The following MAPKAPK2 variants were observed in gnomAD, a reference collection of about 807,000 sequenced individuals.
MAPKAPK2 encodes MAP kinase-activated protein kinase 2.
In MAPKAPK2, 9 loss-of-function variants were observed where a neutral mutation model predicts 48.8. The ratio of observed to expected loss-of-function variants is 0.18; its 90% CI spans 0.11 to 0.32. The LOEUF is 0.32. MAPKAPK2 is among the 10% of genes least tolerant of loss of function. The pLI is 1.00. For missense variants in MAPKAPK2, 331 were observed against 498.3 expected (o/e 0.66, Z 3.20); for synonymous variants, 202 against 190.6 (o/e 1.06, Z -0.49).
At chr1:206,712,260 T>C (rs1278444594) in intron 1 of MAPKAPK2, among the ~76,000 whole-genome samples, 1 of 152,220 alleles carries the variant, frequency 6.6e-6, no homozygotes, top group Admixed American at 6.5e-5. Flanking sequence ...TATATTGTTA[T>C]TATTCACTAA....
chr1:206,691,482 G>GATATATATATATACATATATATATAT (rs1672451514), intron 1 of MAPKAPK2, among the ~76,000 whole-genome samples: 1 of 77,294 alleles, frequency 1.3e-5, no homozygotes, highest in Non-Finnish European at 2.8e-5. Flanking sequence ...TGTATTTTAA[G>GATATATATATATACATATATATATAT]ATATATATAT....
intron 1 of MAPKAPK2, among the ~76,000 whole-genome samples, chr1:206,709,963 T>C (rs1250899596): frequency 6.6e-6 from 1 of 152,194 alleles, no homozygotes; most frequent in Admixed American, 6.5e-5. Context: ...GGTTGAGAAC[T>C]ATTCCCAAGG....
rs1673949513 is a variant in MAPKAPK2 at position 206,732,446 on chromosome 1, T to C, written c.1060-129T>C. ...GGACCACTAACCAGCCCGTCTTCTC[T>C]CTCTGCTCCCACCCCTGCCGCCCTC... is the stretch of plus-strand genomic sequence containing the variant. On this transcript the variant is annotated intron_variant, in intron 9 of 9. Transcript: ENST00000367103. The surrounding 1 kb of genome is among the most constrained non-coding windows in gnomAD (Gnocchi z 4.4). 3.3e-6 allele frequency: 5 copies of C among 1,494,156 alleles called. No individual in the cohort carries two copies. Among genetic ancestry groups the C allele is most frequent in the Non-Finnish European group, 4.5e-6 (5 of 1,119,850 alleles). The allele number at this position is 1,494,156 out of a possible 1,614,324, so 92.6% of individuals were successfully genotyped here. A position where few individuals can be genotyped will look rare whatever the true frequency, so the allele number is the denominator to read the frequency against.
At chr1:206,722,034 C>T (rs1206893317) in intron 1 of MAPKAPK2, among the ~76,000 whole-genome samples, 1 of 150,744 alleles carries the variant, frequency 6.6e-6, no homozygotes, top group Non-Finnish European at 1.5e-5. Context: ...CATTGCACTC[C>T]AGCCTGGGTA....
At chr1:206,705,214 C>G (rs1672917490) in intron 1 of MAPKAPK2, among the ~76,000 whole-genome samples, 3 of 151,924 alleles carry the variant, frequency 2.0e-5, no homozygotes, top group African/African-American at 7.3e-5. Flanking sequence ...TGTATGTTTG[C>G]ATGTGTATGT....
chr1:206,689,163 T>C (rs1326725942), intron 1 of MAPKAPK2, among the ~76,000 whole-genome samples: 1 of 152,236 alleles, frequency 6.6e-6, no homozygotes, highest in African/African-American at 2.4e-5. Context: ...TCGTAACTTA[T>C]CTCTGTGTAT....
At chr1:206,697,139 G>A (rs1336315881) in intron 1 of MAPKAPK2, among the ~76,000 whole-genome samples, 2 of 152,196 alleles carry the variant, frequency 1.3e-5, no homozygotes, top group African/African-American at 2.4e-5. Flanking sequence ...TTCAGTCATG[G>A]AGATGACCCT....
rs782089097 is a variant in MAPKAPK2, at chr1:206,731,370, G to A, written c.892+108G>A. 108 of 1,548,564 alleles carry A rather than the reference G, an allele frequency of 7.0e-5. No individual in the cohort carries two copies. Among genetic ancestry groups the A allele is most frequent in the Middle Eastern group, 1.9e-4 (1 of 5,312 alleles). Reference sequence around the variant, plus strand: ...TGGGCCTCCATCTCATGTGCGTGGTGTAACTGTGGGTTAGCACCTATGCCC... The same window carrying A: ...TGGGCCTCCATCTCATGTGCGTGGTATAACTGTGGGTTAGCACCTATGCCC... On this transcript the variant is annotated intron_variant, in intron 7 of 9. Coordinates refer to ENST00000367103, the MANE Select transcript of MAPKAPK2 (RefSeq NM_032960.4). The surrounding 1 kb of genome is among the most constrained non-coding windows in gnomAD (Gnocchi z 5.9).
chr1:206,731,347 G>A lies in MAPKAPK2; in HGVS notation c.892+85G>A, dbSNP rs1558589757. On this transcript the variant is annotated intron_variant, in intron 7 of 9. Coordinates refer to ENST00000367103, the MANE Select transcript of MAPKAPK2 (RefSeq NM_032960.4). The surrounding 1 kb of genome is among the most constrained non-coding windows in gnomAD (Gnocchi z 5.9). ...GTGTGTACACGCAGACACATGTATGGGCCTCCATCTCATGTGCGTGGTGTA... is the reference window on the plus strand; with the variant it reads ...GTGTGTACACGCAGACACATGTATGAGCCTCCATCTCATGTGCGTGGTGTA... 9.5e-6 allele frequency: 15 copies of A among 1,582,546 alleles called. No homozygotes were observed. Among genetic ancestry groups the A allele is most frequent in the Non-Finnish European group, 8.6e-6 (10 of 1,162,750 alleles).
At chr1:206,707,791 A>G (rs1553428828) in intron 1 of MAPKAPK2, among the ~76,000 whole-genome samples, 3 of 152,216 alleles carry the variant, frequency 2.0e-5, no homozygotes, top group African/African-American at 7.2e-5. Context: ...GACAGTCCAC[A>G]TGGAGACAGT....
chr1:206,685,487 C>G lies in MAPKAPK2; in HGVS notation c.258C>G (p.Thr86=). 2 of 1,535,312 alleles carry G rather than the reference C, an allele frequency of 1.3e-6. No individual in the cohort carries two copies. Among genetic ancestry groups the G allele is most frequent in the Non-Finnish European group, 1.8e-6 (2 of 1,136,796 alleles). Residue 86 remains threonine, a synonymous_variant, in exon 1 of 10, where the codon ACC becomes ACG. Coordinates refer to ENST00000367103, the MANE Select transcript of MAPKAPK2 (RefSeq NM_032960.4). ...GKVLQIFNKR[T]QEKFALKMLQ... ...TTTTGCAGATCTTCAACAAGAGGAC[C>G]CAGGAGAAATTCGCCCTCAAAGTAG...
Position 206,729,494 on chromosome 1 carries a change from C to T in MAPKAPK2, c.564+19C>T, listed in dbSNP as rs1553432326. On this transcript the variant is annotated intron_variant, in intron 4 of 9. Coordinates refer to ENST00000367103, the MANE Select transcript of MAPKAPK2 (RefSeq NM_032960.4). ...TGTCAAGGTGCCAGCTGTTCATAAC[C>T]CTGAGCCCGAGTGCTGTGGGGGGCA... The T allele has an allele frequency of 1.9e-6, 3 of 1,609,850 alleles. No homozygotes were observed. Among genetic ancestry groups the T allele is most frequent in the Non-Finnish European group, 1.7e-6 (2 of 1,176,162 alleles).
At chr1:206,720,059 A>T (rs1673466161) in intron 1 of MAPKAPK2, among the ~76,000 whole-genome samples, 1 of 152,156 alleles carries the variant, frequency 6.6e-6, no homozygotes, top group South Asian at 2.1e-4. Flanking sequence ...TTCTGTTAGG[A>T]TGGGATCAAG....
chr1:206,689,273 G>C (rs565441277), intron 1 of MAPKAPK2, among the ~76,000 whole-genome samples: 42 of 152,244 alleles, frequency 2.8e-4, no homozygotes, highest in Admixed American at 7.2e-4. Context: ...GTGCCACTGC[G>C]ATGTGGCTTC....
At position 206,731,561 on chromosome 1, in the gene MAPKAPK2, TC is replaced by T; in HGVS notation, c.893-75del. On this transcript the variant is annotated intron_variant, in intron 7 of 9. Coordinates refer to ENST00000367103, the MANE Select transcript of MAPKAPK2 (RefSeq NM_032960.4). The surrounding 1 kb of genome is among the most constrained non-coding windows in gnomAD (Gnocchi z 5.9). ...ATGCACCCCCTCTTTGAACCTGGTT[TC>T]CCCATGAAAACTGGGGAAAGGAGCA... 7.6e-7 allele frequency: 1 copy of T among 1,308,210 alleles called. No homozygotes were observed. Among genetic ancestry groups the T allele is most frequent in the Admixed American group, 1.7e-5 (1 of 59,410 alleles). 81.0% of individuals were successfully genotyped at this position (1,308,210 alleles called of 1,614,324 possible). A position where few individuals can be genotyped will look rare whatever the true frequency, so the allele number is the denominator to read the frequency against.
At chr1:206,719,679 C>T (rs1673453153) in intron 1 of MAPKAPK2, among the ~76,000 whole-genome samples, 1 of 152,182 alleles carries the variant, frequency 6.6e-6, no homozygotes, top group South Asian at 2.1e-4. Context: ...TGTAGAGGAA[C>T]GTCAGTAGTT....
intron 1 of MAPKAPK2, among the ~76,000 whole-genome samples, chr1:206,694,380 C>T (rs1197070505): frequency 3.3e-5 from 5 of 152,198 alleles, no homozygotes; most frequent in Admixed American, 1.3e-4. Flanking sequence ...GCCACATTTC[C>T]TCTGCAAGGA....
chr1:206,687,605 A>G (rs1258747467), intron 1 of MAPKAPK2, among the ~76,000 whole-genome samples: 2 of 152,246 alleles, frequency 1.3e-5, no homozygotes, highest in Non-Finnish European at 2.9e-5. Context: ...TCCATATCCA[A>G]ATATTGGCTG....
In MAPKAPK2 at chr1:206,701,694, C is replaced by T. The variant is rs992759214; in HGVS notation, c.279+16186C>T. On this transcript the variant is annotated intron_variant, in intron 1 of 9. Transcript: ENST00000367103. The stretch of plus-strand genomic sequence containing the variant: ...ACAAAAAATACAAAAATTAGCCTGG[C>T]GTGGTGGCGTACACACATGGTTCGA... Among the ~76,000 whole-genome samples, 2 of 151,606 alleles carry T rather than the reference C, an allele frequency of 1.3e-5. 1 individual carries two copies. Among genetic ancestry groups the T allele is most frequent in the African/African-American group, 4.8e-5 (2 of 41,240 alleles).
Sources: allele counts gnomAD v4.1 joint callset (sites outside exome capture counted in the v4.1 genomes callset), GRCh38; gene constraint gnomAD v4.1.1; non-coding constraint Gnocchi (gnomAD v3.1); transcripts MANE v1.5; gene names NCBI Gene and HGNC (gene_info 2026-07-23, HGNC 2026-07-21).